MAFA: variants seen among roughly 807,000 people sequenced by gnomAD.
MAFA encodes the protein MAF bZIP transcription factor A.
For synonymous variants in MAFA, 244 were observed against 260.3 expected, an observed-to-expected ratio of 0.94 and a Z score of 0.60; for missense variants, 547 against 538.0, an observed-to-expected ratio of 1.02 and a Z score of -0.16.
chr8:143,430,148 A>G lies in MAFA; in HGVS notation c.259T>C (p.Ser87Pro). 2 of 1,080,682 alleles carry G rather than the reference A, an allele frequency of 1.9e-6. No individual in the cohort carries two copies. The highest frequency in any genetic ancestry group is 2.2e-6 in the Non-Finnish European group (2 of 900,468). The allele number at this position is 1,080,682 out of a possible 1,614,324, so 66.9% of individuals were successfully genotyped here. A position where few individuals can be genotyped will look rare whatever the true frequency, so the allele number is the denominator to read the frequency against. The change falls in exon 1 of 1, where the codon TCG becomes CCG. Residue 87 changes from serine (S) to proline (P), a missense_variant. Transcript: ENST00000333480. ...GGGGAGGGGGSSQAGGAPGPP... is the reference protein window; with the variant it reads ...GGGGAGGGGGPSQAGGAPGPP... ...CCGGGGGCGCCCCCGGCCTGAGACG[A>G]GCCGCCGCCGCCCCCCGCGCCGCCG... is the stretch of plus-strand genomic sequence containing the variant.
chr8:143,430,479 C>G lies in MAFA; in HGVS notation c.-73G>C. On this transcript the variant is annotated 5_prime_UTR_variant, in exon 1 of 1. Transcript: ENST00000333480. ...GGGGGGGGAGCTGCAGGCCTCTCCCCCCCCTGCTCCCCGCGGGCGGCGGTC... is the reference window on the plus strand; with the variant it reads ...GGGGGGGGAGCTGCAGGCCTCTCCCGCCCCTGCTCCCCGCGGGCGGCGGTC... 1 of 397,448 alleles carries G rather than the reference C, an allele frequency of 2.5e-6. No homozygotes were observed. The highest frequency in any genetic ancestry group is 1.1e-4 in the South Asian group (1 of 8,850). The allele number at this position is 397,448 out of a possible 1,614,324, so 24.6% of individuals were successfully genotyped here. A position where few individuals can be genotyped will look rare whatever the true frequency, so the allele number is the denominator to read the frequency against.
Position 143,429,973 on chromosome 8 carries a change from C to A in MAFA, c.434G>T (p.Ser145Ile). ...PEDAVEALIG[S>I]GHHGAHHGAH... ...GCCGTGGTGCGCGCCGTGGTGGCCG[C>A]TGCCGATGAGCGCCTCCACCGCGTC... The change falls in exon 1 of 1, where the codon AGC (serine) becomes ATC (isoleucine). Residue 145 changes from serine (S) to isoleucine (I), a missense_variant. Physicochemically the swap from Ser to Ile is moderately radical, Grantham distance 142. Transcript: ENST00000333480. This position sits in a 1 kb window ranked among gnomAD's most constrained non-coding sequence, Gnocchi z 5.9. 7.7e-7 allele frequency: 1 copy of A among 1,304,680 alleles called. No homozygotes were observed. Among genetic ancestry groups the A allele is most frequent in the Non-Finnish European group, 9.8e-7 (1 of 1,023,060 alleles). 80.8% of individuals were successfully genotyped at this position (1,304,680 alleles called of 1,614,324 possible).
Position 143,430,177 on chromosome 8 carries a change from C to G in MAFA, c.230G>C (p.Gly77Ala). 8.8e-7 allele frequency: 1 copy of G among 1,140,780 alleles called. No individual in the cohort carries two copies. Among genetic ancestry groups the G allele is most frequent in the Non-Finnish European group, 1.1e-6 (1 of 928,726 alleles). The allele number at this position is 1,140,780 out of a possible 1,614,324, so 70.7% of individuals were successfully genotyped here. ...SFCAPSPGTG[G>A]GGGAGGGGGS... The stretch of plus-strand genomic sequence containing the variant: ...GCCGCCGCCCCCCGCGCCGCCGCCG[C>G]CGCCGGTGCCCGGGCTGGGCGCGCA... Residue 77 changes from glycine to alanine, a missense_variant, in exon 1 of 1, where the codon GGC becomes GCC. Gly to Ala is a moderately conservative substitution (Grantham distance 60). Transcript: ENST00000333480.
chr8:143,428,889 A>C lies in MAFA; in HGVS notation c.*456T>G, dbSNP rs1819489172. 6.5e-6 allele frequency: 1 copy of C among 153,076 alleles called. No individual in the cohort carries two copies. The highest frequency in any genetic ancestry group is 2.4e-5 in the African/African-American group (1 of 41,402). The allele number at this position is 153,076 out of a possible 1,614,324, so 9.5% of individuals were successfully genotyped here. Reference sequence around the variant, plus strand: ...AAGCATAATAATTATAAATACTTCGAAAATAAGACCGATTTTAAAACGGGG... The same window carrying C: ...AAGCATAATAATTATAAATACTTCGCAAATAAGACCGATTTTAAAACGGGG... On this transcript the variant is annotated 3_prime_UTR_variant, in exon 1 of 1. Transcript: ENST00000333480.
At position 143,429,530 on chromosome 8, in the gene MAFA, C is replaced by G. The variant is rs767927182; in HGVS notation, c.877G>C (p.Val293Leu). 1.2e-6 allele frequency: 2 copies of G among 1,605,708 alleles called. No individual in the cohort carries two copies. The highest frequency in any genetic ancestry group is 1.7e-6 in the Non-Finnish European group (2 of 1,179,506). ...ESEKCQLQSQ[V>L]EQLKLEVGRL... ...CCCACCTCCAGCTTCAGCTGCTCCA[C>G]CTGGCTCTGGAGTTGGCACTTCTCG... The change falls in exon 1 of 1, where the codon GTG becomes CTG. Residue 293 changes from valine (V) to leucine (L), a missense_variant. Physicochemically the swap from Val to Leu is conservative, Grantham distance 32 (BLOSUM62 1). Transcript: ENST00000333480. This position sits in a 1 kb window ranked among gnomAD's most constrained non-coding sequence, Gnocchi z 5.9.
chr8:143,430,524 G>A lies in MAFA; in HGVS notation c.-118C>T, dbSNP rs1240674216. ...GCGGTCCCGGCGGGGGCGGGGGGGC[G>A]CCGGCGCGGGGCGGCGGCGCCGAGG... On this transcript the variant is annotated 5_prime_UTR_variant, in exon 1 of 1. Coordinates refer to ENST00000333480, the MANE Select transcript of MAFA (RefSeq NM_201589.4). The A allele has an allele frequency of 1.9e-5, 3 of 161,432 alleles. No individual in the cohort carries two copies. Among genetic ancestry groups the A allele is most frequent in the Non-Finnish European group, 2.5e-5 (2 of 80,862 alleles). 10.0% of individuals were successfully genotyped at this position (161,432 alleles called of 1,614,324 possible). A position where few individuals can be genotyped will look rare whatever the true frequency, so the allele number is the denominator to read the frequency against.
Position 143,430,037 on chromosome 8 carries a change from G to T in MAFA, c.370C>A (p.His124Asn). ...EDLYWMSGYQ[H>N]HLNPEALNLT... Reference sequence around the variant, plus strand: ...TTGAGCGCCTCGGGGTTGAGGTGATGCTGGTAGCCGCTCATCCAGTACAGA... The same window carrying T: ...TTGAGCGCCTCGGGGTTGAGGTGATTCTGGTAGCCGCTCATCCAGTACAGA... Residue 124 changes from histidine to asparagine, a missense_variant, in exon 1 of 1, where the codon CAT becomes AAT. Transcript: ENST00000333480. 1 of 1,365,916 alleles carries T rather than the reference G, an allele frequency of 7.3e-7. No individual in the cohort carries two copies. Among genetic ancestry groups the T allele is most frequent in the Non-Finnish European group, 9.5e-7 (1 of 1,048,900 alleles). The allele number at this position is 1,365,916 out of a possible 1,614,324, so 84.6% of individuals were successfully genotyped here.
chr8:143,428,918 G>A lies in MAFA; in HGVS notation c.*427C>T, dbSNP rs539044309. ...TAAGACCGATTTTAAAACGGGGAGGGGAAGTTAAAAAAGGCAAGGAAAGGG... is the reference window on the plus strand; with the variant it reads ...TAAGACCGATTTTAAAACGGGGAGGAGAAGTTAAAAAAGGCAAGGAAAGGG... On this transcript the variant is annotated 3_prime_UTR_variant, in exon 1 of 1. Coordinates refer to ENST00000333480, the MANE Select transcript of MAFA (RefSeq NM_201589.4). 2 of 157,590 alleles carry A rather than the reference G, an allele frequency of 1.3e-5. No homozygotes were observed. The highest frequency in any genetic ancestry group is 3.7e-4 in the East Asian group (2 of 5,450). 9.8% of individuals were successfully genotyped at this position (157,590 alleles called of 1,614,324 possible).
chr8:143,430,026 G>A lies in MAFA; in HGVS notation c.381C>T (p.Asn127=), dbSNP rs1028795461. ...CGGGCGTCAGGTTGAGCGCCTCGGG[G>A]TTGAGGTGATGCTGGTAGCCGCTCA... ...YWMSGYQHHL[N]PEALNLTPED... Residue 127 remains asparagine, a synonymous_variant, in exon 1 of 1, where the codon AAC becomes AAT. Coordinates refer to ENST00000333480, the MANE Select transcript of MAFA (RefSeq NM_201589.4). 1.5e-6 allele frequency: 2 copies of A among 1,377,694 alleles called. No homozygotes were observed. Among genetic ancestry groups the A allele is most frequent in the Non-Finnish European group, 1.9e-6 (2 of 1,055,754 alleles). The allele number at this position is 1,377,694 out of a possible 1,614,324, so 85.3% of individuals were successfully genotyped here.
At position 143,429,729 on chromosome 8, in the gene MAFA, G is replaced by A. The variant is rs1819501753; in HGVS notation, c.678C>T (p.Arg226=). 1 of 1,552,586 alleles carries A rather than the reference G, an allele frequency of 6.4e-7. No individual in the cohort carries two copies. The highest frequency in any genetic ancestry group is 8.6e-7 in the Non-Finnish European group (1 of 1,156,242). ...GAGHHVRLEE[R]FSDDQLVSMS... ...TGGACACCAGCTGGTCGTCGGAGAA[G>A]CGCTCCTCCAGGCGCACGTGGTGGC... Residue 226 remains arginine (R), a synonymous_variant, in exon 1 of 1, where the codon CGC becomes CGT. Coordinates refer to ENST00000333480, the MANE Select transcript of MAFA (RefSeq NM_201589.4). This position sits in a 1 kb window ranked among gnomAD's most constrained non-coding sequence, Gnocchi z 5.9.
chr8:143,429,886 C>T lies in MAFA; in HGVS notation c.521G>A (p.Gly174Asp), dbSNP rs756955386. The change falls in exon 1 of 1, where the codon GGC becomes GAC. Residue 174 changes from glycine to aspartate, a missense_variant. Gly to Asp is a moderately conservative substitution (Grantham distance 94, BLOSUM62 -1). Transcript: ENST00000333480. The surrounding 1 kb of genome is among the most constrained non-coding windows in gnomAD (Gnocchi z 5.9). Reference sequence around the variant, plus strand: ...GGCGCCCATGTCGTCCGCTCCGCCGCCGCCCGCGAAGCCCGGGCCGCGGAA... The same window carrying T: ...GGCGCCCATGTCGTCCGCTCCGCCGTCGCCCGCGAAGCCCGGGCCGCGGAA... The part of the protein sequence containing the change: ...EAFRGPGFAG[G>D]GGADDMGAGH... The T allele has an allele frequency of 4.4e-5, 58 of 1,309,200 alleles. No individual in the cohort carries two copies. In the East Asian group the frequency reaches 1.6e-3, roughly 37 times the overall value. The allele number at this position is 1,309,200 out of a possible 1,614,324, so 81.1% of individuals were successfully genotyped here. A position where few individuals can be genotyped will look rare whatever the true frequency, so the allele number is the denominator to read the frequency against.
chr8:143,429,500 G>C lies in MAFA; in HGVS notation c.907C>G (p.Leu303Val). 6.2e-7 allele frequency: 1 copy of C among 1,605,096 alleles called. No individual in the cohort carries two copies. Among genetic ancestry groups the C allele is most frequent in the Non-Finnish European group, 8.5e-7 (1 of 1,179,372 alleles). The change falls in exon 1 of 1, where the codon CTG becomes GTG. Residue 303 changes from leucine (L) to valine (V), a missense_variant. By Grantham distance (32) the Leu-to-Val change is conservative. Transcript: ENST00000333480. This position sits in a 1 kb window ranked among gnomAD's most constrained non-coding sequence, Gnocchi z 5.9. ...TTGTACAGGTCCCGCTCTTTGGCCAGGCGCCCCACCTCCAGCTTCAGCTGC... is the reference window on the plus strand; with the variant it reads ...TTGTACAGGTCCCGCTCTTTGGCCACGCGCCCCACCTCCAGCTTCAGCTGC... ...VEQLKLEVGRLAKERDLYKEK... is the reference protein window; with the variant it reads ...VEQLKLEVGRVAKERDLYKEK...
chr8:143,430,334 C>A lies in MAFA; in HGVS notation c.73G>T (p.Asp25Tyr). 6.9e-7 allele frequency: 1 copy of A among 1,448,170 alleles called. No individual in the cohort carries two copies. Among genetic ancestry groups the A allele is most frequent in the Non-Finnish European group, 9.2e-7 (1 of 1,085,306 alleles). The allele number at this position is 1,448,170 out of a possible 1,614,324, so 89.7% of individuals were successfully genotyped here. A position where few individuals can be genotyped will look rare whatever the true frequency, so the allele number is the denominator to read the frequency against. ...PLAIEYVNDF[D>Y]LMKFEVKKEP... ...TTCTTCACCTCGAACTTCATCAGGT[C>A]GAAGTCGTTGACGTACTCGATGGCC... is the stretch of plus-strand genomic sequence containing the variant. Residue 25 changes from aspartate to tyrosine, a missense_variant, in exon 1 of 1, where the codon GAC (aspartate) becomes TAC (tyrosine). Coordinates refer to ENST00000333480, the MANE Select transcript of MAFA (RefSeq NM_201589.4).
chr8:143,430,367 T>A lies in MAFA; in HGVS notation c.40A>T (p.Ser14Cys). 5.6e-6 allele frequency: 8 copies of A among 1,427,698 alleles called. No homozygotes were observed. The highest frequency in any genetic ancestry group is 7.4e-6 in the Non-Finnish European group (8 of 1,075,598). 88.4% of individuals were successfully genotyped at this position (1,427,698 alleles called of 1,614,324 possible). ...TTGACGTACTCGATGGCCAGCGGGC[T>A]GCTGGGCAGCTCGGCGCCCATCGCC... ...ELAMGAELPS[S>C]PLAIEYVNDF... The change falls in exon 1 of 1, where the codon AGC becomes TGC. Residue 14 changes from serine (S) to cysteine (C), a missense_variant. By Grantham distance (112) the Ser-to-Cys change is moderately radical. Transcript: ENST00000333480.
chr8:143,429,440 G>C lies in MAFA; in HGVS notation c.967C>G (p.Pro323Ala). The change falls in exon 1 of 1, where the codon CCC becomes GCC. Residue 323 changes from proline (P) to alanine (A), a missense_variant. Coordinates refer to ENST00000333480, the MANE Select transcript of MAFA (RefSeq NM_201589.4). The surrounding 1 kb of genome is among the most constrained non-coding windows in gnomAD (Gnocchi z 5.9). ...AAACCGGCCCCGCCCGCGCTCCCGGGGCCGCCCCGGCCCGCCAGCTTCTCG... is the reference window on the plus strand; with the variant it reads ...AAACCGGCCCCGCCCGCGCTCCCGGCGCCGCCCCGGCCCGCCAGCTTCTCG... ...KYEKLAGRGG[P>A]GSAGGAGFPR... The C allele has an allele frequency of 6.4e-7, 1 of 1,563,694 alleles. No homozygotes were observed. The highest frequency in any genetic ancestry group is 1.2e-5 in the South Asian group (1 of 86,300).
At position 143,429,857 on chromosome 8, in the gene MAFA, G is replaced by C; in HGVS notation, c.550C>G (p.His184Asp). Reference sequence around the variant, plus strand: ...GCGGCGTGGTGCGCGCCGTGGTGGTGGCCGGCGCCCATGTCGTCCGCTCCG... The same window carrying C: ...GCGGCGTGGTGCGCGCCGTGGTGGTCGCCGGCGCCCATGTCGTCCGCTCCG... ...GGGADDMGAGHHHGAHHAAHH... is the reference protein window; with the variant it reads ...GGGADDMGAGDHHGAHHAAHH... The change falls in exon 1 of 1, where the codon CAC becomes GAC. Residue 184 changes from histidine (H) to aspartate (D), a missense_variant. Coordinates refer to ENST00000333480, the MANE Select transcript of MAFA (RefSeq NM_201589.4). The surrounding 1 kb of genome is among the most constrained non-coding windows in gnomAD (Gnocchi z 5.9). The C allele has an allele frequency of 7.2e-7, 1 of 1,380,266 alleles. No individual in the cohort carries two copies. The highest frequency in any genetic ancestry group is 3.1e-5 in the East Asian group (1 of 32,404). The allele number at this position is 1,380,266 out of a possible 1,614,324, so 85.5% of individuals were successfully genotyped here. A position where few individuals can be genotyped will look rare whatever the true frequency, so the allele number is the denominator to read the frequency against.
In MAFA at chr8:143,429,345, C is replaced by A; in HGVS notation, c.1062G>T (p.Ter354TyrextTer76). ...GCGGCGCGGGCTCGGGGTCCGGCGC[C>A]TACAGGAAGAAGTCGGCCGTGCCCT... Reference protein sequence around the residue: ...GAKGTADFFL* With the variant: ...GAKGTADFFLY The change falls in exon 1 of 1, where the codon TAG becomes TAT. Residue 354 changes from the stop codon to tyrosine, a stop_lost. Coordinates refer to ENST00000333480, the MANE Select transcript of MAFA (RefSeq NM_201589.4). The surrounding 1 kb of genome is among the most constrained non-coding windows in gnomAD (Gnocchi z 5.9). The A allele has an allele frequency of 7.4e-7, 1 of 1,358,352 alleles. No individual in the cohort carries two copies. Among genetic ancestry groups the A allele is most frequent in the South Asian group, 1.8e-5 (1 of 54,470 alleles). 84.1% of individuals were successfully genotyped at this position (1,358,352 alleles called of 1,614,324 possible). A position where few individuals can be genotyped will look rare whatever the true frequency, so the allele number is the denominator to read the frequency against.
rs755192203 is a variant in MAFA, at chr8:143,429,381, G to T, written c.1026C>A (p.Pro342=). The part of the protein sequence containing the change: ...PREPSPPQAG[P]GGAKGTADFF... ...AGTCGGCCGTGCCCTTGGCCCCGCC[G>T]GGACCGGCCTGCGGCGGCGAAGGCT... The change falls in exon 1 of 1, where the codon CCC becomes CCA. Residue 342 remains proline, a synonymous_variant. Transcript: ENST00000333480. This position sits in a 1 kb window ranked among gnomAD's most constrained non-coding sequence, Gnocchi z 5.9. 49 of 1,418,708 alleles carry T rather than the reference G, an allele frequency of 3.5e-5. No individual in the cohort carries two copies. Among genetic ancestry groups the T allele is most frequent in the Non-Finnish European group, 4.5e-5 (49 of 1,097,994 alleles). 87.9% of individuals were successfully genotyped at this position (1,418,708 alleles called of 1,614,324 possible).
rs1336135973 is a variant in MAFA at position 143,428,881 on chromosome 8, A to G, written c.*464T>C. The stretch of plus-strand genomic sequence containing the variant: ...TAATCACCAAGCATAATAATTATAA[A>G]TACTTCGAAAATAAGACCGATTTTA... On this transcript the variant is annotated 3_prime_UTR_variant, in exon 1 of 1. Transcript: ENST00000333480. 6.5e-6 allele frequency: 1 copy of G among 152,750 alleles called. No individual in the cohort carries two copies. The highest frequency in any genetic ancestry group is 1.5e-5 in the Non-Finnish European group (1 of 68,504). 9.5% of individuals were successfully genotyped at this position (152,750 alleles called of 1,614,324 possible).
Sources: gnomAD v4.1 joint callset for allele counts on GRCh38, gnomAD v4.1.1 for gene constraint, Gnocchi (gnomAD v3.1) non-coding constraint, MANE v1.5 for transcripts, NCBI Gene and HGNC (gene_info 2026-07-23, HGNC 2026-07-21) for gene names.